The following KDM4C variants were observed in gnomAD, a reference collection of about 807,000 sequenced individuals.
KDM4C encodes the protein lysine-specific demethylase 4C.
KDM4C carries 81 observed loss-of-function variants against 129.3 expected under a neutral mutation model. That is an observed-to-expected ratio of 0.63 (90% CI 0.52 to 0.75). The LOEUF (loss-of-function observed/expected upper bound fraction) is 0.75, where lower values mean the gene tolerates loss of function less well. Among genes scored for constraint, KDM4C ranks in the 30% least tolerant of loss-of-function variants. KDM4C has a pLI of 0.00. For synonymous variants in KDM4C, 573 were observed against 456.1 expected (o/e 1.26, Z -3.26); for missense variants, 1,457 against 1,304.0 (o/e 1.12, Z -1.81).
intron 12 of KDM4C, among the ~76,000 whole-genome samples, chr9:7,000,744 T>A (rs1162472452): frequency 6.6e-6 from 1 of 152,228 alleles, no homozygotes; most frequent in Non-Finnish European, 1.5e-5. Flanking sequence ...AACGCCAGTT[T>A]CTTTTTCTTG....
At chr9:7,113,229 C>T (rs537632247) in intron 18 of KDM4C, among the ~76,000 whole-genome samples, 112 of 152,238 alleles carry the variant, frequency 7.4e-4, no homozygotes, top group Admixed American at 1.5e-3. Flanking sequence ...AATCCCTCAC[C>T]TTTCTATCAA....
chr9:6,800,549 A>C (rs890930848), intron 2 of KDM4C, among the ~76,000 whole-genome samples: 2 of 152,196 alleles, frequency 1.3e-5, no homozygotes, highest in Admixed American at 6.6e-5. Context: ...AAAAAGTTAA[A>C]TAAAATAATG....
chr9:6,749,941 G>T (rs889299139), intron 1 of KDM4C, among the ~76,000 whole-genome samples: 1 of 133,728 alleles, frequency 7.5e-6, no homozygotes. Context: ...AGCCAAGATT[G>T]TGCCATTGTA....
chr9:7,137,061 C>G (rs1383220574), intron 19 of KDM4C, among the ~76,000 whole-genome samples: 2 of 152,220 alleles, frequency 1.3e-5, no homozygotes, highest in African/African-American at 4.8e-5. Context: ...GAGGAGATCT[C>G]TGGCCCTGAA....
At chr9:7,069,299 T>G (rs1832881759) in intron 17 of KDM4C, among the ~76,000 whole-genome samples, 1 of 152,228 alleles carries the variant, frequency 6.6e-6, no homozygotes, top group African/African-American at 2.4e-5. Context: ...AAAGTTAACT[T>G]TTATCACGTG....
chr9:6,967,471 G>A (rs529825628), intron 8 of KDM4C, among the ~76,000 whole-genome samples: 1 of 151,512 alleles, frequency 6.6e-6, no homozygotes, highest in Non-Finnish European at 1.5e-5. Context: ...AGGAAGATAT[G>A]CAAGATTAAA....
chr9:7,131,234 G>T (rs1017625810), intron 19 of KDM4C, among the ~76,000 whole-genome samples: 1 of 152,050 alleles, frequency 6.6e-6, no homozygotes, highest in Non-Finnish European at 1.5e-5. Flanking sequence ...TAATTCAATC[G>T]TGTTGTGTTT....
chr9:6,730,592 G>A (rs535724761), intron 1 of KDM4C, among the ~76,000 whole-genome samples: 1 of 151,104 alleles, frequency 6.6e-6, no homozygotes, highest in African/African-American at 2.4e-5. Context: ...TCCAGCCTGG[G>A]CGACAGAGCG....
intron 8 of KDM4C, among the ~76,000 whole-genome samples, chr9:6,932,417 C>T (rs1823921401): frequency 1.3e-5 from 2 of 152,114 alleles, no homozygotes; most frequent in Non-Finnish European, 2.9e-5. Flanking sequence ...ATGCCCCCTC[C>T]CACCTTGTTG....
At chr9:7,106,805 A>G (rs887579797) in intron 18 of KDM4C, among the ~76,000 whole-genome samples, 9 of 152,122 alleles carry the variant, frequency 5.9e-5, no homozygotes, top group African/African-American at 2.2e-4. Flanking sequence ...AATTATTTTA[A>G]ATATATGAGC....
At chr9:6,805,535 C>CTT in intron 2 of KDM4C, 64 bp from the exon 3 acceptor site, 1 of 1,079,308 alleles carries the variant, frequency 9.3e-7, no homozygotes, top group Non-Finnish European at 1.3e-6. Flanking sequence ...TATCAGAATA[C>CTT]TTAAAAGCTA....
intron 8 of KDM4C, among the ~76,000 whole-genome samples, chr9:6,945,043 A>G (rs1190347787): frequency 6.6e-6 from 1 of 152,158 alleles, no homozygotes; most frequent in Non-Finnish European, 1.5e-5. Context: ...GTGATCATCC[A>G]GGGACCTTAT....
chr9:7,017,183 C>A (rs1052785916), intron 15 of KDM4C, among the ~76,000 whole-genome samples: 13 of 152,226 alleles, frequency 8.5e-5, no homozygotes, highest in African/African-American at 3.1e-4. Flanking sequence ...GTGATCCTCT[C>A]ACCTTGGCCT....
intron 17 of KDM4C, among the ~76,000 whole-genome samples, chr9:7,102,736 T>G (rs1837244602): frequency 1.3e-5 from 2 of 152,196 alleles, no homozygotes; most frequent in African/African-American, 4.8e-5. Flanking sequence ...AATCTACCTA[T>G]AAAAGAAGAG....
At chr9:7,174,385 G>A (rs1437074469) in intron 21 of KDM4C, among the ~76,000 whole-genome samples, 168 bp from the exon 22 acceptor site, 1 of 152,176 alleles carries the variant, frequency 6.6e-6, no homozygotes, top group Non-Finnish European at 1.5e-5. Context: ...CCCCACTTTG[G>A]GTGGGAGAGG....
intron 1 of KDM4C, among the ~76,000 whole-genome samples, chr9:6,760,542 T>TTTTA (rs370646653): frequency 0.14 from 20,148 of 143,804 alleles, 1,632 homozygotes; most frequent in African/African-American, 0.21. Context: ...TGATACTCTT[T>TTTTA]TTTATTTATT....
chr9:6,898,566 A>G (rs1295119385), intron 8 of KDM4C, among the ~76,000 whole-genome samples: 1 of 152,222 alleles, frequency 6.6e-6, no homozygotes, highest in Non-Finnish European at 1.5e-5. Flanking sequence ...CTCCAGGAGT[A>G]CTACCTTACT....
At chr9:6,826,772 C>T (rs1216089621) in intron 4 of KDM4C, among the ~76,000 whole-genome samples, 3 of 151,136 alleles carry the variant, frequency 2.0e-5, no homozygotes, top group African/African-American at 7.3e-5. Flanking sequence ...GAAGCTGAGG[C>T]AGGAGAATCG....
In KDM4C at chr9:6,775,209, G is replaced by T. The variant is rs1466997655; in HGVS notation, c.-18+17006G>T. Among the ~76,000 whole-genome samples, 4 of 152,150 alleles carry T rather than the reference G, an allele frequency of 2.6e-5. No individual in the cohort carries two copies. The East Asian group carries it at 7.8e-4, about 30-fold the overall frequency. ...TTTTTGTATTTTTAGTAGAGATGGG[G>T]TTTCACCATGTTGGCCAGGCTGGTC... On this transcript the variant is annotated intron_variant, in intron 1 of 21. Coordinates refer to ENST00000381309, the MANE Select transcript of KDM4C (RefSeq NM_015061.6).
Sources: allele counts gnomAD v4.1 joint callset (sites outside exome capture counted in the v4.1 genomes callset), GRCh38; gene constraint gnomAD v4.1.1; transcripts MANE v1.5; gene names NCBI Gene and HGNC (gene_info 2026-07-23, HGNC 2026-07-21).